ATXN1: variants seen among roughly 807,000 people sequenced by gnomAD.
ATXN1 encodes ataxin 1.
Under a neutral mutation model 56.4 loss-of-function variants are expected in ATXN1, and 8 were observed. That is an observed-to-expected ratio of 0.14 (90% CI 0.08 to 0.26). The LOEUF is 0.26. ATXN1 is among the 10% of genes least tolerant of loss of function. The pLI, the probability that ATXN1 is intolerant of heterozygous loss-of-function variation, is 1.00. For missense variants in ATXN1, 987 were observed against 1,106.5 expected (o/e 0.89, Z 1.53); for synonymous variants, 514 against 494.6 (o/e 1.04, Z -0.52).
intron 2 of ATXN1, among the ~76,000 whole-genome samples, chr6:16,679,372 G>GTGGGTGGATGGATGGA (rs1758764685): frequency 1.4e-5 from 2 of 144,142 alleles, no homozygotes; most frequent in Non-Finnish European, 3.0e-5. Context: ...AGGTGGGTGG[G>GTGGGTGGATGGATGGA]TGGATGGATG....
intron 2 of ATXN1, among the ~76,000 whole-genome samples, chr6:16,692,910 A>G (rs1440694023): frequency 1.3e-5 from 2 of 152,186 alleles, no homozygotes; most frequent in African/African-American, 4.8e-5. Flanking sequence ...AGATGGGAAG[A>G]TATGGATAGA....
At chr6:16,666,739 T>A (rs1326842917) in intron 2 of ATXN1, 1 of 152,152 alleles carries the variant, frequency 6.6e-6, no homozygotes, top group Non-Finnish European at 1.5e-5. Context: ...CTCCTGACTT[T>A]GTGATCCGTT....
At chr6:16,344,568 G>A (rs1185998451) in intron 6 of ATXN1, among the ~76,000 whole-genome samples, 1 of 152,142 alleles carries the variant, frequency 6.6e-6, no homozygotes, top group African/African-American at 2.4e-5. Flanking sequence ...TCGAACACCC[G>A]ACTTGAAGTT....
intron 3 of ATXN1, among the ~76,000 whole-genome samples, chr6:16,644,259 C>T (rs571347011): frequency 6.6e-5 from 10 of 152,242 alleles, no homozygotes; most frequent in Non-Finnish European, 1.3e-4. Context: ...TGTGGTGGCT[C>T]ACGCCCCAGC....
intron 2 of ATXN1, chr6:16,667,042 G>A (rs1758443632): frequency 6.6e-6 from 1 of 152,178 alleles, no homozygotes; most frequent in South Asian, 2.1e-4. Context: ...ATGGACACAT[G>A]CAATGATAAT....
chr6:16,715,442 G>A (rs902434333), intron 2 of ATXN1, among the ~76,000 whole-genome samples: 67 of 152,072 alleles, frequency 4.4e-4, no homozygotes, highest in Non-Finnish European at 9.3e-4. Context: ...TGCCATCAAC[G>A]GCAGTGGTTC....
chr6:16,596,712 C>T (rs1762821960), intron 3 of ATXN1, among the ~76,000 whole-genome samples: 1 of 152,214 alleles, frequency 6.6e-6, no homozygotes. Flanking sequence ...CCACTTCCCA[C>T]CCAAAGCACC....
chr6:16,638,972 G>C (rs962814911), intron 3 of ATXN1, among the ~76,000 whole-genome samples: 1 of 152,194 alleles, frequency 6.6e-6, no homozygotes, highest in Non-Finnish European at 1.5e-5. Flanking sequence ...GTGGGGACTT[G>C]GAGAACTTTT....
intron 6 of ATXN1, among the ~76,000 whole-genome samples, chr6:16,365,428 T>C (rs774598012): frequency 2.6e-5 from 4 of 152,336 alleles, no homozygotes; most frequent in Middle Eastern, 6.8e-3. Context: ...TCCACCCACA[T>C]TGGCCTCCCA....
chr6:16,367,996 G>A (rs752974267), intron 6 of ATXN1, among the ~76,000 whole-genome samples: 1 of 151,946 alleles, frequency 6.6e-6, no homozygotes, highest in Admixed American at 6.6e-5. Context: ...GTGAAACCCT[G>A]TCTCTACTAA....
chr6:16,741,331 C>T (rs1354917226), intron 2 of ATXN1, among the ~76,000 whole-genome samples: 2 of 152,242 alleles, frequency 1.3e-5, no homozygotes, highest in East Asian at 1.9e-4. Flanking sequence ...GCTGTAGTTA[C>T]TAAATCAGAG....
intron 6 of ATXN1, among the ~76,000 whole-genome samples, chr6:16,448,620 C>T (rs947409606): frequency 2.0e-5 from 3 of 152,228 alleles, no homozygotes; most frequent in African/African-American, 7.2e-5. Context: ...AGAGAAGGCA[C>T]TCTGTAAGTA....
intron 7 of ATXN1, among the ~76,000 whole-genome samples, chr6:16,325,167 G>C (rs981997774): frequency 6.6e-6 from 1 of 151,524 alleles, no homozygotes; most frequent in African/African-American, 2.4e-5. Flanking sequence ...TCCAAGGCTG[G>C]AGTGCAGTGG....
intron 3 of ATXN1, among the ~76,000 whole-genome samples, chr6:16,619,333 T>A (rs892209561): frequency 1.3e-5 from 2 of 152,176 alleles, no homozygotes; most frequent in Non-Finnish European, 2.9e-5. Context: ...GATATATATG[T>A]TCAAGAAGTC....
chr6:16,599,170 C>T (rs1262405510), intron 3 of ATXN1, among the ~76,000 whole-genome samples: 1 of 152,240 alleles, frequency 6.6e-6, no homozygotes, highest in Non-Finnish European at 1.5e-5. Context: ...AGTACCTCCA[C>T]ACCCAGGGAT....
At chr6:16,483,359 C>T (rs544955377) in intron 6 of ATXN1, among the ~76,000 whole-genome samples, 4 of 152,286 alleles carry the variant, frequency 2.6e-5, no homozygotes, top group South Asian at 4.1e-4. Flanking sequence ...TATGTGCAAA[C>T]ATGCATTCTT....
chr6:16,585,740 A>G (rs906529425), intron 4 of ATXN1, 40 bp downstream of exon 4: 2 of 152,176 alleles, frequency 1.3e-5, no homozygotes, highest in African/African-American at 2.4e-5. Context: ...TTACAACTCA[A>G]TGATAATTAT....
intron 5 of ATXN1, among the ~76,000 whole-genome samples, chr6:16,500,812 T>C (rs186212689): frequency 1.3e-5 from 2 of 149,160 alleles, no homozygotes; most frequent in South Asian, 2.1e-4. Flanking sequence ...AATGCCCATA[T>C]ATAGATTACA....
At chr6:16,394,435 C>A (rs1758413963) in intron 6 of ATXN1, among the ~76,000 whole-genome samples, 1 of 152,064 alleles carries the variant, frequency 6.6e-6, no homozygotes, top group Admixed American at 6.5e-5. Flanking sequence ...TAATTGACAT[C>A]TGATAATTTC....
Sources: allele counts gnomAD v4.1 joint callset (sites outside exome capture counted in the v4.1 genomes callset), GRCh38; gene constraint gnomAD v4.1.1; transcripts MANE v1.5; gene names NCBI Gene and HGNC (gene_info 2026-07-23, HGNC 2026-07-21).